Variants in ZBTB5 observed in about 807,000 individuals in gnomAD.
ZBTB5 encodes the protein zinc finger and BTB domain containing 5, also known as zinc finger and BTB domain-containing protein 5.
ZBTB5 carries 15 observed loss-of-function variants against 37.9 expected under a neutral mutation model. The observed-to-expected ratio is 0.40, with a 90% CI of 0.26 to 0.61. The LOEUF (loss-of-function observed/expected upper bound fraction) is 0.61, where lower values mean the gene tolerates loss of function less well. ZBTB5 is among the 20% of genes least tolerant of loss of function. The probability of loss-of-function intolerance (pLI) is 0.47; values close to 1 mark genes in which losing one functional copy is unlikely to be tolerated. For synonymous variants in ZBTB5, 315 were observed against 312.4 expected (o/e 1.01, Z -0.09); for missense variants, 708 against 856.8 (o/e 0.83, Z 2.17).
At chr9:37,463,564 CA>C (rs1387284084) in intron 1 of ZBTB5, among the ~76,000 whole-genome samples, 2 of 152,172 alleles carry the variant, frequency 1.3e-5, no homozygotes, top group South Asian at 2.1e-4. Context: ...TTAAAGTCTC[CA>C]ATTCGATATA....
chr9:37,455,338 C>T lies in ZBTB5; in HGVS notation c.-5+9877G>A, dbSNP rs1158134538. On this transcript the variant is annotated intron_variant, in intron 1 of 1. Transcript: ENST00000307750. ...TTCCCACTCCATCCCCTTTCCAGCTCCCCATCCATCCCACTGAGAGCCACC... is the reference window on the plus strand; with the variant it reads ...TTCCCACTCCATCCCCTTTCCAGCTTCCCATCCATCCCACTGAGAGCCACC... 2.6e-5 allele frequency among the ~76,000 whole-genome samples: 4 copies of T among 152,152 alleles called. No homozygotes were observed. The East Asian group carries it at 7.7e-4, about 29-fold the overall frequency.
chr9:37,457,526 G>A (rs1051397900), intron 1 of ZBTB5, among the ~76,000 whole-genome samples: 4 of 152,242 alleles, frequency 2.6e-5, no homozygotes, highest in Non-Finnish European at 4.4e-5. Context: ...CACCATGCCA[G>A]CATCATCTAA....
chr9:37,457,186 A>G lies in ZBTB5; in HGVS notation c.-5+8029T>C, dbSNP rs186274530. ...CTCAAGGGACCTCAACAGCCCATAAAGGTACTTGTGTATTTTTTGTATACA... is the reference window on the plus strand; with the variant it reads ...CTCAAGGGACCTCAACAGCCCATAAGGGTACTTGTGTATTTTTTGTATACA... On this transcript the variant is annotated intron_variant, in intron 1 of 1. Transcript: ENST00000307750. Among the ~76,000 whole-genome samples, 4 of 152,332 alleles carry G rather than the reference A, an allele frequency of 2.6e-5. No homozygotes were observed. In the East Asian group the frequency reaches 7.7e-4, roughly 29 times the overall value.
chr9:37,442,895 A>G (rs1046605013), intron 1 of ZBTB5, among the ~76,000 whole-genome samples: 1 of 152,236 alleles, frequency 6.6e-6, no homozygotes, highest in African/African-American at 2.4e-5. Flanking sequence ...AGAATTCTGC[A>G]TTCCCTAAGG....
chr9:37,458,222 A>C (rs1173413761), intron 1 of ZBTB5, among the ~76,000 whole-genome samples: 4 of 152,238 alleles, frequency 2.6e-5, no homozygotes, highest in Non-Finnish European at 4.4e-5. Flanking sequence ...GAACACAGCT[A>C]CTACTAACCA....
At position 37,441,468 on chromosome 9, in the gene ZBTB5, C is replaced by CA. The variant is rs1212075367; in HGVS notation, c.1083dup (p.Val362CysfsTer12). On this transcript the variant is annotated frameshift_variant, in exon 2 of 2. Transcript: ENST00000307750. LOFTEE classifies it high-confidence loss of function. ...AGGTCTATCTTCTCGGCACTGACCA[C>CA]AACTCCTTCCACTTCCACAGACTCG... 1 of 1,613,402 alleles carries CA rather than the reference C, an allele frequency of 6.2e-7. No homozygotes were observed.
intron 1 of ZBTB5, among the ~76,000 whole-genome samples, chr9:37,461,730 C>T (rs1456644007): frequency 6.6e-6 from 1 of 151,204 alleles, no homozygotes; most frequent in East Asian, 1.9e-4. Flanking sequence ...GAGACCCTGT[C>T]TCAAAAAAAA....
rs372768789 is a variant in ZBTB5 at position 37,442,192 on chromosome 9, C to G, written c.360G>C (p.Thr120=). ...SVVKACKHYL[T]TRTLPMSPPS... is the part of the protein sequence containing the mutation. ...GGGGAGACATGGGCAGCGTCCTTGT[C>G]GTTAAGTAATGTTTACATGCCTTAA... Residue 120 remains threonine, a synonymous_variant, in exon 2 of 2, where the codon ACG becomes ACC. Transcript: ENST00000307750. 3.1e-6 allele frequency: 5 copies of G among 1,614,214 alleles called. No homozygotes were observed. Among genetic ancestry groups the G allele is most frequent in the Non-Finnish European group, 4.2e-6 (5 of 1,180,050 alleles).
chr9:37,458,733 C>T (rs777332414), intron 1 of ZBTB5, among the ~76,000 whole-genome samples: 3 of 152,100 alleles, frequency 2.0e-5, no homozygotes, highest in South Asian at 2.1e-4. Context: ...AATGAGTCAA[C>T]GTTTGGAAGA....
At position 37,438,794 on chromosome 9, in the gene ZBTB5, T is replaced by C. The variant is rs1823787882; in HGVS notation, c.*1724A>G. ...ACAAGGAGCCACACACACAACTGAA[T>C]TTCACAGGACCTCATATCCTCCAAT... On this transcript the variant is annotated 3_prime_UTR_variant, in exon 2 of 2. Coordinates refer to ENST00000307750, the MANE Select transcript of ZBTB5 (RefSeq NM_014872.3). 2 of 152,214 alleles carry C rather than the reference T, an allele frequency of 1.3e-5. No homozygotes were observed. Among genetic ancestry groups the C allele is most frequent in the African/African-American group, 4.8e-5 (2 of 41,450 alleles). The allele number at this position is 152,214 out of a possible 1,614,324, so 9.4% of individuals were successfully genotyped here. A position where few individuals can be genotyped will look rare whatever the true frequency, so the allele number is the denominator to read the frequency against.
intron 1 of ZBTB5, among the ~76,000 whole-genome samples, chr9:37,443,202 T>G (rs1823917638): frequency 6.6e-6 from 1 of 151,756 alleles, no homozygotes; most frequent in African/African-American, 2.4e-5. Context: ...ATACAAAAAA[T>G]TAGCCAGGCA....
At chr9:37,449,918 C>A (rs989666278) in intron 1 of ZBTB5, among the ~76,000 whole-genome samples, 3 of 152,066 alleles carry the variant, frequency 2.0e-5, no homozygotes, top group Non-Finnish European at 4.4e-5. Context: ...TTCATCTTCC[C>A]TTCTCTTTTT....
chr9:37,438,167 A>C lies in ZBTB5; in HGVS notation c.*2351T>G, dbSNP rs887868549. 4 of 152,650 alleles carry C rather than the reference A, an allele frequency of 2.6e-5. No individual in the cohort carries two copies. Among genetic ancestry groups the C allele is most frequent in the Middle Eastern group, 3.2e-3 (1 of 316 alleles). 9.5% of individuals were successfully genotyped at this position (152,650 alleles called of 1,614,324 possible). A position where few individuals can be genotyped will look rare whatever the true frequency, so the allele number is the denominator to read the frequency against. ...CTCAAGTTGTAACCAGCATAGCACC[A>C]CTGACATGGATGCCTTGATAGAACT... On this transcript the variant is annotated 3_prime_UTR_variant, in exon 2 of 2. Coordinates refer to ENST00000307750, the MANE Select transcript of ZBTB5 (RefSeq NM_014872.3).
At chr9:37,453,465 C>T (rs940680068) in intron 1 of ZBTB5, among the ~76,000 whole-genome samples, 1 of 152,158 alleles carries the variant, frequency 6.6e-6, no homozygotes, top group African/African-American at 2.4e-5. Context: ...CAGGTGTGAG[C>T]ACCATGAAGT....
At position 37,442,035 on chromosome 9, in the gene ZBTB5, A is replaced by G. The variant is rs1209073979; in HGVS notation, c.517T>C (p.Ser173Pro). The change falls in exon 2 of 2, where the codon TCT becomes CCT. Residue 173 changes from serine to proline, a missense_variant. Transcript: ENST00000307750. ...NGEEQPAPMS[S>P]SMRSNLDQRT... ...TGATCCAGGTTACTGCGCATGGAAG[A>G]GCTCATGGGGGCTGGCTGCTCCTCG... The G allele has an allele frequency of 3.1e-6, 5 of 1,613,722 alleles. No homozygotes were observed. Among genetic ancestry groups the G allele is most frequent in the Non-Finnish European group, 3.4e-6 (4 of 1,180,032 alleles).
chr9:37,461,676 C>T (rs1340937649), intron 1 of ZBTB5, among the ~76,000 whole-genome samples: 8 of 151,906 alleles, frequency 5.3e-5, no homozygotes, highest in Admixed American at 3.3e-4. Flanking sequence ...TGCAGTGACC[C>T]GAGATCAGAT....
At chr9:37,460,014 T>C (rs1263979438) in intron 1 of ZBTB5, among the ~76,000 whole-genome samples, 1 of 142,354 alleles carries the variant, frequency 7.0e-6, no homozygotes, top group Admixed American at 7.7e-5. Context: ...CAGGCCATTT[T>C]TTTTAATTTT....
At chr9:37,451,008 G>GT (rs1275851299) in intron 1 of ZBTB5, among the ~76,000 whole-genome samples, 1 of 151,852 alleles carries the variant, frequency 6.6e-6, no homozygotes, top group Non-Finnish European at 1.5e-5. Flanking sequence ...TGAGACCCCC[G>GT]TCTCTACCAA....
intron 1 of ZBTB5, among the ~76,000 whole-genome samples, chr9:37,449,312 C>T (rs1028200739): frequency 2.0e-5 from 3 of 152,116 alleles, no homozygotes; most frequent in African/African-American, 7.2e-5. Flanking sequence ...GAGAAGACAA[C>T]TGGATTCTCA....
Sources: gnomAD v4.1 joint callset for allele counts (sites outside exome capture counted in the v4.1 genomes callset) on GRCh38, gnomAD v4.1.1 for gene constraint, MANE v1.5 for transcripts, NCBI Gene and HGNC (gene_info 2026-07-23, HGNC 2026-07-21) for gene names.